The following NEDD4L variants were observed in gnomAD, a reference collection of about 807,000 sequenced individuals.
NEDD4L encodes the protein NEDD4 like E3 ubiquitin protein ligase, also known as E3 ubiquitin-protein ligase NEDD4-like.
A neutral mutation model predicts 148.9 loss-of-function variants in NEDD4L; 54 were observed. That is an observed-to-expected ratio of 0.36 (90% CI 0.29 to 0.45). The LOEUF (loss-of-function observed/expected upper bound fraction) is 0.45. NEDD4L is among the 20% of genes least tolerant of loss of function. The pLI is 1.00. For missense variants in NEDD4L, 856 were observed against 1,233.8 expected, an observed-to-expected ratio of 0.69 and a Z score of 4.59; for synonymous variants, 433 against 440.7, an observed-to-expected ratio of 0.98 and a Z score of 0.22.
At chr18:58,324,170 A>G (rs969986610) in intron 8 of NEDD4L, among the ~76,000 whole-genome samples, 2 of 152,264 alleles carry the variant, frequency 1.3e-5, no homozygotes, top group African/African-American at 2.4e-5. Flanking sequence ...TTAACATTTC[A>G]TAAGCATGTC....
chr18:58,104,235 A>G (rs2084936349), intron 1 of NEDD4L, among the ~76,000 whole-genome samples: 1 of 152,246 alleles, frequency 6.6e-6, no homozygotes, highest in Non-Finnish European at 1.5e-5. Context: ...ATAAGGTTCT[A>G]TTTATATGAA....
intron 2 of NEDD4L, among the ~76,000 whole-genome samples, chr18:58,178,984 T>C (rs1325958060): frequency 6.6e-6 from 1 of 151,892 alleles, no homozygotes; most frequent in East Asian, 1.9e-4. Context: ...TATCGCAGTT[T>C]TGTTTTTTTT....
intron 2 of NEDD4L, among the ~76,000 whole-genome samples, chr18:58,174,163 A>G (rs75010441): frequency 6.6e-6 from 1 of 152,014 alleles, no homozygotes; most frequent in African/African-American, 2.4e-5. Context: ...GAGCAATGGA[A>G]TAGCTCTCGG....
rs1035290591 is a variant in NEDD4L at position 58,357,401 on chromosome 18, C to T, written c.1767+149C>T. On this transcript the variant is annotated intron_variant, in intron 19 of 30. Coordinates refer to ENST00000400345, the MANE Select transcript of NEDD4L (RefSeq NM_001144967.3). ...AGAGCACTTTGCTGCCATCTCCTTA[C>T]TGAAGTTTCCAGGTGAGGTACAGCT... The T allele has an allele frequency of 3.8e-6, 3 of 784,088 alleles. No individual in the cohort carries two copies. In the Admixed American group the frequency reaches 5.6e-5, roughly 15 times the overall value. The allele number at this position is 784,088 out of a possible 1,614,324, so 48.6% of individuals were successfully genotyped here.
At chr18:58,204,342 C>T (rs1479792290) in intron 2 of NEDD4L, among the ~76,000 whole-genome samples, 1 of 152,108 alleles carries the variant, frequency 6.6e-6, no homozygotes, top group Admixed American at 6.6e-5. Context: ...AAAAAAATGC[C>T]TAGCTGACTT....
At position 58,343,095 on chromosome 18, in the gene NEDD4L, A is replaced by G. The variant is rs1373145711; in HGVS notation, c.1567A>G (p.Thr523Ala). The part of the protein sequence containing the change: ...PFFIDHNTKT[T>A]TWEDPRLKFP... ...CTTCATTGATCATAACACAAAGACT[A>G]CAACCTGGGTAAGGCTGCTGCTTTT... The change falls in exon 16 of 31, where the codon ACA (threonine) becomes GCA (alanine). Residue 523 changes from threonine (T) to alanine (A), a missense_variant. By Grantham distance (58) the Thr-to-Ala change is moderately conservative. Transcript: ENST00000400345. The G allele has an allele frequency of 1.2e-6, 2 of 1,602,772 alleles. No homozygotes were observed. Among genetic ancestry groups the G allele is most frequent in the Non-Finnish European group, 1.7e-6 (2 of 1,173,956 alleles).
intron 3 of NEDD4L, among the ~76,000 whole-genome samples, chr18:58,247,070 T>G (rs2047351479): frequency 6.6e-6 from 1 of 152,066 alleles, no homozygotes; most frequent in Non-Finnish European, 1.5e-5. Flanking sequence ...ACAAACCCCT[T>G]TCATCTGTGC....
In NEDD4L at chr18:58,292,098, G is replaced by A. The variant is rs1253174985; in HGVS notation, c.298-23884G>A. Among the ~76,000 whole-genome samples, 10 of 152,106 alleles carry A rather than the reference G, an allele frequency of 6.6e-5. 1 individual carries two copies. The highest frequency in any genetic ancestry group is 4.1e-4 in the South Asian group (2 of 4,826). The stretch of plus-strand genomic sequence containing the variant: ...AGTTCACACCCCTAAAGGACAGAGC[G>A]AGCACTCAAACGCACAGCTTTGGGT... On this transcript the variant is annotated intron_variant, in intron 5 of 30. Transcript: ENST00000400345.
intron 5 of NEDD4L, among the ~76,000 whole-genome samples, chr18:58,294,275 G>A (rs1025257978): frequency 9.2e-5 from 14 of 152,142 alleles, no homozygotes; most frequent in African/African-American, 3.4e-4. Flanking sequence ...GCACTTGATG[G>A]TGGGATTTCT....
At chr18:58,166,932 T>C (rs1032708635) in intron 2 of NEDD4L, among the ~76,000 whole-genome samples, 4 of 152,220 alleles carry the variant, frequency 2.6e-5, no homozygotes, top group Non-Finnish European at 5.9e-5. Flanking sequence ...CAGAAGCCTT[T>C]TGCTGCCATT....
At chr18:58,097,131 G>C (rs1262997341) in intron 1 of NEDD4L, among the ~76,000 whole-genome samples, 1 of 152,174 alleles carries the variant, frequency 6.6e-6, no homozygotes, top group Non-Finnish European at 1.5e-5. Flanking sequence ...AATGCACGAA[G>C]ATTGTTTTGT....
intron 16 of NEDD4L, among the ~76,000 whole-genome samples, chr18:58,348,008 T>C (rs907675708): frequency 5.9e-5 from 9 of 152,234 alleles, no homozygotes; most frequent in African/African-American, 1.9e-4. Context: ...TTTTTATGTT[T>C]TTGGAGGCAA....
In NEDD4L at chr18:58,164,243, A is replaced by G. The variant is rs1482088820; in HGVS notation, c.49-1545A>G. Reference sequence around the variant, plus strand: ...TGTTCCATCCCGCACACCCCCACAGAAGCCTTTTGCTGCCATTAGTAAGCA... The same window carrying G: ...TGTTCCATCCCGCACACCCCCACAGGAGCCTTTTGCTGCCATTAGTAAGCA... On this transcript the variant is annotated intron_variant, in intron 1 of 30. Coordinates refer to ENST00000400345, the MANE Select transcript of NEDD4L (RefSeq NM_001144967.3). 1.3e-5 allele frequency among the ~76,000 whole-genome samples: 2 copies of G among 152,048 alleles called. 1 individual carries two copies. The highest frequency in any genetic ancestry group is 3.9e-4 in the East Asian group (2 of 5,174).
chr18:58,175,596 T>C (rs1192470536), intron 2 of NEDD4L, among the ~76,000 whole-genome samples: 1 of 152,258 alleles, frequency 6.6e-6, no homozygotes, highest in Non-Finnish European at 1.5e-5. Context: ...TCAACACTAA[T>C]GGCCCTTGGG....
chr18:58,056,650 G>A (rs914367219), intron 1 of NEDD4L, among the ~76,000 whole-genome samples: 27 of 151,962 alleles, frequency 1.8e-4, no homozygotes, highest in Admixed American at 4.6e-4. Context: ...ACACCATCTT[G>A]GTTCACTGCA....
chr18:58,360,777 T>C (rs2045369262), intron 19 of NEDD4L, among the ~76,000 whole-genome samples: 1 of 150,268 alleles, frequency 6.7e-6, no homozygotes, highest in Non-Finnish European at 1.5e-5. Flanking sequence ...TGTGTGTACA[T>C]GCATGCAAGA....
chr18:58,198,729 T>C (rs2041032721), intron 2 of NEDD4L, among the ~76,000 whole-genome samples: 1 of 152,260 alleles, frequency 6.6e-6, no homozygotes, highest in Non-Finnish European at 1.5e-5. Context: ...ATTAAACCTA[T>C]ACATTACATT....
chr18:58,261,801 C>T (rs756826131), intron 5 of NEDD4L, among the ~76,000 whole-genome samples: 2 of 152,128 alleles, frequency 1.3e-5, no homozygotes, highest in Non-Finnish European at 2.9e-5. Flanking sequence ...AAAATAATTA[C>T]CTGCATATTA....
intron 26 of NEDD4L, among the ~76,000 whole-genome samples, chr18:58,386,869 C>A (rs1246798119): frequency 6.6e-6 from 1 of 152,176 alleles, no homozygotes; most frequent in Non-Finnish European, 1.5e-5. Flanking sequence ...GATAAGAAAT[C>A]CCAGGAAGCA....
Sources: allele counts gnomAD v4.1 joint callset (sites outside exome capture counted in the v4.1 genomes callset), GRCh38; gene constraint gnomAD v4.1.1; transcripts MANE v1.5; gene names NCBI Gene and HGNC (gene_info 2026-07-23, HGNC 2026-07-21).